The following SH2D3A variants were observed in gnomAD, a reference collection of about 807,000 sequenced individuals.
SH2D3A encodes SH2 domain-containing protein 3A.
SH2D3A carries 46 observed loss-of-function variants against 50.6 expected under a neutral mutation model. The ratio of observed to expected loss-of-function variants is 0.91; its 90% CI spans 0.72 to 1.16. SH2D3A has a LOEUF of 1.16. SH2D3A is among the 50% of genes most tolerant of loss of function. The pLI, the probability that SH2D3A is intolerant of heterozygous loss-of-function variation, is 0.00. For synonymous variants in SH2D3A, 377 were observed against 348.4 expected, an observed-to-expected ratio of 1.08 and a Z score of -0.91; for missense variants, 783 against 786.2, an observed-to-expected ratio of 1.00 and a Z score of 0.05.
At position 6,754,861 on chromosome 19, in the gene SH2D3A, G is replaced by T; in HGVS notation, c.951C>A (p.Thr317=). 1 of 1,598,200 alleles carries T rather than the reference G, an allele frequency of 6.3e-7. No homozygotes were observed. The highest frequency in any genetic ancestry group is 1.3e-5 in the African/African-American group (1 of 74,810). ...GLFLEHHPGS[T]ALHLLLVDCQ... ...AGTCTACCAATAGCAGGTGAAGGGC[G>T]GTGCTCCCAGGATGGTGCTCCAGGA... Residue 317 remains threonine (T), a synonymous_variant, in exon 5 of 10, where the codon ACC becomes ACA. Coordinates refer to ENST00000245908, the MANE Select transcript of SH2D3A (RefSeq NM_005490.3).
Position 6,753,529 on chromosome 19 carries a change from G to A in SH2D3A, c.1497C>T (p.Arg499=), listed in dbSNP as rs370202096. 3 of 1,563,978 alleles carry A rather than the reference G, an allele frequency of 1.9e-6. No individual in the cohort carries two copies. Among genetic ancestry groups the A allele is most frequent in the African/African-American group, 2.7e-5 (2 of 73,722 alleles). Reference sequence around the variant, plus strand: ...CCATGTGACGCGCCCCGTGCAGGGTGCGCAACAGCCGCTCACAGCTCTCGT... The same window carrying A: ...CCATGTGACGCGCCCCGTGCAGGGTACGCAACAGCCGCTCACAGCTCTCGT... ...PLDESCERLL[R]TLHGARHMVR... Residue 499 remains arginine, a synonymous_variant, in exon 9 of 10, where the codon CGC becomes CGT. Coordinates refer to ENST00000245908, the MANE Select transcript of SH2D3A (RefSeq NM_005490.3).
At chr19:6,753,364 C>A in intron 9 of SH2D3A, 92 bp downstream of exon 9, 1 of 1,401,964 alleles carries the variant, frequency 7.1e-7, no homozygotes, top group South Asian at 1.6e-5. Flanking sequence ...TGGCGAGAGG[C>A]TCCCCTCCTG....
chr19:6,765,838 C>G lies in SH2D3A; in HGVS notation c.-69+1549G>C, dbSNP rs989053704. On this transcript the variant is annotated intron_variant, in intron 1 of 9. Transcript: ENST00000245908. ...GCAATGTCAGCAAACAGCAATGTTG[C>G]CTTTGCAGATCCTTCTATTTCGGAG... Among the ~76,000 whole-genome samples the G allele has an allele frequency of 1.3e-4, 19 of 151,958 alleles. 1 individual carries two copies. Among genetic ancestry groups the G allele is most frequent in the Admixed American group, 1.2e-3 (19 of 15,254 alleles).
intron 1 of SH2D3A, among the ~76,000 whole-genome samples, chr19:6,765,528 A>G (rs527449729): frequency 6.6e-6 from 1 of 152,134 alleles, no homozygotes; most frequent in South Asian, 2.1e-4. Flanking sequence ...TGGGTGGATC[A>G]TCTGAGGTCA....
intron 2 of SH2D3A, among the ~76,000 whole-genome samples, chr19:6,761,811 T>C (rs776259613): frequency 1.3e-5 from 2 of 151,312 alleles, no homozygotes; most frequent in Non-Finnish European, 2.9e-5. Flanking sequence ...TAGCTGAGCG[T>C]GGTGGTGTGC....
intron 9 of SH2D3A, 83 bp downstream of exon 9, chr19:6,753,373 T>A (rs888739528): frequency 2.8e-6 from 4 of 1,405,946 alleles, no homozygotes; most frequent in African/African-American, 1.5e-5. Context: ...GCTCCCCTCC[T>A]GGGACAGGCT....
At chr19:6,758,034 TTTG>T (rs1486760661) in intron 4 of SH2D3A, 1 of 152,304 alleles carries the variant, frequency 6.6e-6, no homozygotes, top group East Asian at 1.9e-4. Context: ...TTTTTTTTGT[TTTG>T]TTTTGTTTTT....
Position 6,755,321 on chromosome 19 carries a change from G to A in SH2D3A, c.497-6C>T, listed in dbSNP as rs2145582612. ...TATGGGCATGGTGGAGGCTTCTAGA[G>A]GTCATACAAGAGGGGTCAATGGGAA... On this transcript the variant is annotated splice_region_variant and splice_polypyrimidine_tract_variant and intron_variant, in intron 4 of 9. Coordinates refer to ENST00000245908, the MANE Select transcript of SH2D3A (RefSeq NM_005490.3). 1 of 1,499,492 alleles carries A rather than the reference G, an allele frequency of 6.7e-7. No homozygotes were observed. Among genetic ancestry groups the A allele is most frequent in the Non-Finnish European group, 8.9e-7 (1 of 1,123,112 alleles). 92.9% of individuals were successfully genotyped at this position (1,499,492 alleles called of 1,614,324 possible).
intron 1 of SH2D3A, chr19:6,764,482 A>G (rs1970197463): frequency 6.6e-6 from 1 of 152,168 alleles, no homozygotes; most frequent in African/African-American, 2.4e-5. Context: ...TAATGAATTC[A>G]CTGAACCCCT....
chr19:6,753,453 C>T lies in SH2D3A; in HGVS notation c.1570+3G>A. 1.3e-6 allele frequency: 2 copies of T among 1,498,920 alleles called. No individual in the cohort carries two copies. Among genetic ancestry groups the T allele is most frequent in the Non-Finnish European group, 1.8e-6 (2 of 1,117,266 alleles). 92.9% of individuals were successfully genotyped at this position (1,498,920 alleles called of 1,614,324 possible). Reference sequence around the variant, plus strand: ...TGCAGTCCAGCGCAGAGGGAACGCTCACCTCGCAGGCGCTGGGCTGCCACC... The same window carrying T: ...TGCAGTCCAGCGCAGAGGGAACGCTTACCTCGCAGGCGCTGGGCTGCCACC... On this transcript the variant is annotated splice_donor_region_variant and intron_variant, in intron 9 of 9. Transcript: ENST00000245908.
rs758671532 is a variant in SH2D3A at position 6,755,085 on chromosome 19, CCT to C, written c.725_726del (p.Gln242ArgfsTer22). On this transcript the variant is annotated frameshift_variant, in exon 5 of 10. Transcript: ENST00000245908. LOFTEE classifies it high-confidence loss of function. ...GGGCAGCTTTGGCTCGGGGATGTTCCCTGGACACTGGGCACTCGGGGCACCAG... is the reference window on the plus strand; with the variant it reads ...GGGCAGCTTTGGCTCGGGGATGTTCCGGACACTGGGCACTCGGGGCACCAG... ...CELVPRVPSV[Q>X]GTSPSQSCPE... 4.3e-6 allele frequency: 7 copies of C among 1,613,902 alleles called. No individual in the cohort carries two copies. The South Asian group carries it at 6.6e-5, about 15-fold the overall frequency.
rs1448559408 is a variant in SH2D3A at position 6,752,557 on chromosome 19, TG to T, written c.*35del. 2 of 1,485,034 alleles carry T rather than the reference TG, an allele frequency of 1.3e-6. No homozygotes were observed. The highest frequency in any genetic ancestry group is 2.8e-5 in the African/African-American group (2 of 71,544). 92.0% of individuals were successfully genotyped at this position (1,485,034 alleles called of 1,614,324 possible). A position where few individuals can be genotyped will look rare whatever the true frequency, so the allele number is the denominator to read the frequency against. ...GTCTCTTCTGGGGTTCGCAAAAACC[TG>T]GGGGTCCCGGGTGTGAAGAAGGGTG... On this transcript the variant is annotated 3_prime_UTR_variant, in exon 10 of 10. Transcript: ENST00000245908.
At chr19:6,755,415 A>G (rs1341068545) in intron 4 of SH2D3A, 100 bp from the exon 5 acceptor site, 4 of 790,510 alleles carry the variant, frequency 5.1e-6, no homozygotes, top group South Asian at 6.9e-5. Flanking sequence ...TGATCCATCC[A>G]CTCATTCCAA....
chr19:6,755,087 T>C lies in SH2D3A; in HGVS notation c.725A>G (p.Gln242Arg). 3 of 1,614,054 alleles carry C rather than the reference T, an allele frequency of 1.9e-6. No individual in the cohort carries two copies. Among genetic ancestry groups the C allele is most frequent in the South Asian group, 2.2e-5 (2 of 91,068 alleles). The part of the protein sequence containing the change: ...CELVPRVPSV[Q>R]GTSPSQSCPE... ...GCAGCTTTGGCTCGGGGATGTTCCC[T>C]GGACACTGGGCACTCGGGGCACCAG... The change falls in exon 5 of 10, where the codon CAG becomes CGG. Residue 242 changes from glutamine to arginine, a missense_variant. By Grantham distance (43) the Gln-to-Arg change is conservative. Coordinates refer to ENST00000245908, the MANE Select transcript of SH2D3A (RefSeq NM_005490.3).
rs777699573 is a variant in SH2D3A, at chr19:6,754,315, C to T, written c.1208G>A (p.Arg403Gln). ...RGLVELALAL[R>Q]PGAAGDLPGL... ...GGGCAGGTCCCCCGCCGCCCCTGGCCGCAGCGCCAGCGCCAGCTCTACCAG... is the reference window on the plus strand; with the variant it reads ...GGGCAGGTCCCCCGCCGCCCCTGGCTGCAGCGCCAGCGCCAGCTCTACCAG... Residue 403 changes from arginine to glutamine, a missense_variant, in exon 7 of 10, where the codon CGG becomes CAG. By Grantham distance (43) the Arg-to-Gln change is conservative. Transcript: ENST00000245908. The T allele has an allele frequency of 8.3e-6, 13 of 1,569,498 alleles. No homozygotes were observed. The highest frequency in any genetic ancestry group is 4.6e-5 in the South Asian group (4 of 87,838).
At chr19:6,757,312 CTTTTTTTTTT>C (rs796930753) in intron 4 of SH2D3A, 1 of 107,820 alleles carries the variant, frequency 9.3e-6, no homozygotes. Flanking sequence ...TTTTCTTCTT[CTTTTTTTTTT>C]TTTTTTTAAA....
In SH2D3A at chr19:6,754,261, A is replaced by G; in HGVS notation, c.1262T>C (p.Leu421Pro). ...PGLAAVMGAL[L>P]MPQVSRLEHT... The stretch of plus-strand genomic sequence containing the variant: ...CTGCTCCCCACGAACCTGGGGCATG[A>G]GCAGGGCGCCCATGACTGCAGCCAG... Residue 421 changes from leucine (L) to proline (P), a missense_variant, in exon 7 of 10, where the codon CTC becomes CCC. Physicochemically the swap from Leu to Pro is moderately conservative, Grantham distance 98 (BLOSUM62 -3). Coordinates refer to ENST00000245908, the MANE Select transcript of SH2D3A (RefSeq NM_005490.3). 6.3e-7 allele frequency: 1 copy of G among 1,597,104 alleles called. No individual in the cohort carries two copies. The highest frequency in any genetic ancestry group is 8.5e-7 in the Non-Finnish European group (1 of 1,176,990).
chr19:6,764,860 T>G (rs1185625254), intron 1 of SH2D3A, among the ~76,000 whole-genome samples: 1 of 148,754 alleles, frequency 6.7e-6, no homozygotes, highest in Non-Finnish European at 1.5e-5. Flanking sequence ...CGTGGGCCAC[T>G]GTACCTGGCT....
chr19:6,758,958 T>C (rs1039027245), intron 4 of SH2D3A: 2 of 152,052 alleles, frequency 1.3e-5, no homozygotes, highest in Non-Finnish European at 2.9e-5. Context: ...CTGGTGGAAA[T>C]GTAAAATGCA....
Sources: allele counts gnomAD v4.1 joint callset (sites outside exome capture counted in the v4.1 genomes callset), GRCh38; gene constraint gnomAD v4.1.1; transcripts MANE v1.5; gene names NCBI Gene and HGNC (gene_info 2026-07-23, HGNC 2026-07-21).